Variants in SUCLG2 observed in about 807,000 individuals in gnomAD.
The protein encoded by SUCLG2 is succinate--CoA ligase [GDP-forming] subunit beta, mitochondrial.
A neutral mutation model predicts 47.9 loss-of-function variants in SUCLG2; 42 were observed. The observed-to-expected ratio is 0.88, with a 90% CI of 0.69 to 1.14. The LOEUF (loss-of-function observed/expected upper bound fraction) is 1.14. Ranked by LOEUF, SUCLG2 falls within the 50% of genes most tolerant of loss-of-function variation. The probability of loss-of-function intolerance (pLI) is 0.00; values close to 1 mark genes in which losing one functional copy is unlikely to be tolerated. For missense variants in SUCLG2, 571 were observed against 525.9 expected (o/e 1.09, Z -0.84); for synonymous variants, 195 against 197.3 (o/e 0.99, Z 0.10).
chr3:67,524,990 T>C (rs947096606), intron 4 of SUCLG2, among the ~76,000 whole-genome samples: 3 of 152,176 alleles, frequency 2.0e-5, no homozygotes, highest in Non-Finnish European at 1.5e-5. Flanking sequence ...CAATTAACAA[T>C]GAGCATGTTG....
intron 1 of SUCLG2, among the ~76,000 whole-genome samples, chr3:67,651,163 C>T (rs966276159): frequency 6.6e-6 from 1 of 152,176 alleles, no homozygotes; most frequent in African/African-American, 2.4e-5. Context: ...AGATTTATAA[C>T]AGGGGGCGTG....
chr3:67,455,419 A>G (rs1049168664), intron 9 of SUCLG2, among the ~76,000 whole-genome samples: 1 of 152,162 alleles, frequency 6.6e-6, no homozygotes, highest in African/African-American at 2.4e-5. Context: ...TGTTTGCCTA[A>G]CCAACTCAGT....
intron 10 of SUCLG2, among the ~76,000 whole-genome samples, chr3:67,381,034 C>T (rs1702147117): frequency 1.3e-5 from 2 of 151,944 alleles, no homozygotes. Flanking sequence ...TAAAAGGAAA[C>T]CAGCTGGGCA....
chr3:67,506,190 G>A (rs1323082018), intron 7 of SUCLG2, among the ~76,000 whole-genome samples: 1 of 152,070 alleles, frequency 6.6e-6, no homozygotes, highest in Non-Finnish European at 1.5e-5. Context: ...AAATATAAAT[G>A]ACTGCTTTTA....
chr3:67,363,837 C>A (rs781124126), intron 10 of SUCLG2, among the ~76,000 whole-genome samples: 1 of 143,278 alleles, frequency 7.0e-6, no homozygotes, highest in Non-Finnish European at 1.5e-5. Flanking sequence ...AAGTAAATTT[C>A]TGGACATTCT....
intron 9 of SUCLG2, 140 bp from the exon 10 acceptor site, chr3:67,400,991 A>C (rs557830915): frequency 8.2e-6 from 10 of 1,212,826 alleles, no homozygotes; most frequent in Non-Finnish European, 1.1e-5. Context: ...AAAATACAAA[A>C]ATGGCCCAGA....
At chr3:67,575,249 T>C (rs918419346) in intron 2 of SUCLG2, among the ~76,000 whole-genome samples, 5 of 152,232 alleles carry the variant, frequency 3.3e-5, no homozygotes, top group African/African-American at 1.2e-4. Flanking sequence ...CTTACATGAA[T>C]ATTCACAGCA....
At chr3:67,455,023 G>A (rs1366552811) in intron 9 of SUCLG2, among the ~76,000 whole-genome samples, 4 of 151,414 alleles carry the variant, frequency 2.6e-5, no homozygotes, top group African/African-American at 7.3e-5. Context: ...TATGCAGCCT[G>A]CAGTGAAATA....
intron 9 of SUCLG2, among the ~76,000 whole-genome samples, chr3:67,423,292 G>A (rs1301434045): frequency 6.6e-6 from 1 of 152,092 alleles, no homozygotes; most frequent in Non-Finnish European, 1.5e-5. Flanking sequence ...TGCCATGATT[G>A]TAAGTTTCCT....
intron 2 of SUCLG2, among the ~76,000 whole-genome samples, chr3:67,574,560 C>T (rs1378193308): frequency 3.3e-5 from 5 of 152,042 alleles, no homozygotes; most frequent in African/African-American, 1.2e-4. Flanking sequence ...AAAATGACTC[C>T]AAATAGATTC....
intron 1 of SUCLG2, among the ~76,000 whole-genome samples, chr3:67,620,332 C>G (rs1490177934): frequency 6.6e-6 from 1 of 151,936 alleles, no homozygotes; most frequent in Non-Finnish European, 1.5e-5. Flanking sequence ...ACCCGTTAAC[C>G]CCAGCACTTT....
chr3:67,530,191 C>A (rs932407119), intron 2 of SUCLG2, among the ~76,000 whole-genome samples: 1 of 152,118 alleles, frequency 6.6e-6, no homozygotes, highest in Non-Finnish European at 1.5e-5. Context: ...TTCAATCTGG[C>A]CTTCATCCCT....
At chr3:67,473,858 T>A (rs1478547734) in intron 9 of SUCLG2, among the ~76,000 whole-genome samples, 1 of 152,206 alleles carries the variant, frequency 6.6e-6, no homozygotes, top group African/African-American at 2.4e-5. Context: ...ACTTCTCTTA[T>A]CATGCCAGCT....
At position 67,375,427 on chromosome 3, in the gene SUCLG2, T is replaced by C. The variant is rs1042462923; in HGVS notation, c.*317A>G. 7.9e-6 allele frequency: 8 copies of C among 1,016,692 alleles called. No homozygotes were observed. The highest frequency in any genetic ancestry group is 9.4e-6 in the Non-Finnish European group (8 of 850,954). 63.0% of individuals were successfully genotyped at this position (1,016,692 alleles called of 1,614,324 possible). ...TTCTTGTAAATGAAGCAGGACTTGATTTCAAATTCTGTCTATACACACAAT... is the reference window on the plus strand; with the variant it reads ...TTCTTGTAAATGAAGCAGGACTTGACTTCAAATTCTGTCTATACACACAAT... On this transcript the variant is annotated 3_prime_UTR_variant, in exon 11 of 11. Transcript: ENST00000307227.
intron 1 of SUCLG2, among the ~76,000 whole-genome samples, chr3:67,627,681 A>G (rs923448689): frequency 6.6e-6 from 1 of 152,208 alleles, no homozygotes; most frequent in African/African-American, 2.4e-5. Context: ...GATAGAGATG[A>G]TATCTGCTCC....
rs1283170670 is a variant in SUCLG2 at position 67,654,494 on chromosome 3, C to T, written c.84+9G>A. ...TGCTGGCGCCCGCAGCTCCTGCCCC[C>T]ACGCTCACCTGGGACCCGGCCGCCA... On this transcript the variant is annotated intron_variant, in intron 1 of 10. Coordinates refer to ENST00000307227, the MANE Select transcript of SUCLG2 (RefSeq NM_003848.4). 9 of 1,236,134 alleles carry T rather than the reference C, an allele frequency of 7.3e-6. No individual in the cohort carries two copies. The highest frequency in any genetic ancestry group is 4.1e-5 in the South Asian group (1 of 24,498). The allele number at this position is 1,236,134 out of a possible 1,614,324, so 76.6% of individuals were successfully genotyped here. A position where few individuals can be genotyped will look rare whatever the true frequency, so the allele number is the denominator to read the frequency against.
intron 6 of SUCLG2, among the ~76,000 whole-genome samples, chr3:67,510,148 CCTTT>C (rs1358866703): frequency 1.3e-5 from 2 of 152,140 alleles, no homozygotes; most frequent in African/African-American, 4.8e-5. Flanking sequence ...CTTTAGGTTG[CCTTT>C]CTGTCAACTC....
At chr3:67,498,014 T>C in intron 8 of SUCLG2, 120 bp downstream of exon 8, 1 of 1,077,994 alleles carries the variant, frequency 9.3e-7, no homozygotes, top group African/African-American at 1.6e-5. Flanking sequence ...TCCTAAGACT[T>C]TTCAGCTACA....
chr3:67,454,148 C>CA (rs1358432106), intron 9 of SUCLG2, among the ~76,000 whole-genome samples: 3 of 152,116 alleles, frequency 2.0e-5, no homozygotes, highest in African/African-American at 7.2e-5. Context: ...AAGAAGTTGA[C>CA]AGAGCTGCAC....
Sources: allele counts gnomAD v4.1 joint callset (sites outside exome capture counted in the v4.1 genomes callset), GRCh38; gene constraint gnomAD v4.1.1; transcripts MANE v1.5; gene names NCBI Gene and HGNC (gene_info 2026-07-23, HGNC 2026-07-21).